The following MAGI2 variants were observed in gnomAD, a reference collection of about 807,000 sequenced individuals.
MAGI2 encodes membrane associated guanylate kinase, WW and PDZ domain containing 2, also known as membrane-associated guanylate kinase, WW and PDZ domain-containing protein 2.
In MAGI2, 35 loss-of-function variants were observed where a neutral mutation model predicts 133.3. The ratio of observed to expected loss-of-function variants is 0.26; its 90% CI spans 0.20 to 0.35. The LOEUF is 0.35. Among genes scored for constraint, MAGI2 ranks in the 10% least tolerant of loss-of-function variants. The pLI, the probability that MAGI2 is intolerant of heterozygous loss-of-function variation, is 1.00. For synonymous variants in MAGI2, 729 were observed against 710.6 expected, an observed-to-expected ratio of 1.03 and a Z score of -0.41; for missense variants, 1,636 against 1,863.4, an observed-to-expected ratio of 0.88 and a Z score of 2.25.
intron 1 of MAGI2, among the ~76,000 whole-genome samples, chr7:79,041,431 G>A (rs187933654): frequency 3.9e-5 from 6 of 152,140 alleles, no homozygotes; most frequent in African/African-American, 1.4e-4. Flanking sequence ...ACTAATATTT[G>A]CTCATAGTTA....
chr7:78,603,204 T>C (rs1436899622), intron 3 of MAGI2, among the ~76,000 whole-genome samples: 1 of 152,216 alleles, frequency 6.6e-6, no homozygotes, highest in Non-Finnish European at 1.5e-5. Context: ...TTGAGCTTCA[T>C]AAGGAATAGG....
At chr7:78,641,929 C>T (rs1001688067) in intron 2 of MAGI2, among the ~76,000 whole-genome samples, 4 of 152,162 alleles carry the variant, frequency 2.6e-5, no homozygotes, top group Non-Finnish European at 5.9e-5. Context: ...GAAGGAGCTT[C>T]TCCTTCAGTA....
At chr7:78,027,581 T>C (rs1178414172) in intron 21 of MAGI2, among the ~76,000 whole-genome samples, 2 of 145,538 alleles carry the variant, frequency 1.4e-5, no homozygotes, top group African/African-American at 5.2e-5. Context: ...TGAGCCGAGA[T>C]CATGCCTCTG....
At chr7:78,856,153 C>G (rs1209378985) in intron 2 of MAGI2, among the ~76,000 whole-genome samples, 2 of 152,094 alleles carry the variant, frequency 1.3e-5, no homozygotes, top group African/African-American at 2.4e-5. Context: ...TGGATATTAG[C>G]CCTTTGTCAG....
At chr7:78,862,306 G>A (rs545207619) in intron 2 of MAGI2, among the ~76,000 whole-genome samples, 41 of 152,242 alleles carry the variant, frequency 2.7e-4, no homozygotes, top group African/African-American at 8.9e-4. Context: ...TCTACAATGT[G>A]GACTTTAGGT....
At chr7:78,904,691 C>G (rs1349011026) in intron 2 of MAGI2, among the ~76,000 whole-genome samples, 4 of 152,030 alleles carry the variant, frequency 2.6e-5, no homozygotes, top group South Asian at 2.1e-4. Flanking sequence ...TTAGTCGAGA[C>G]CGGGTTCCAC....
intron 21 of MAGI2, among the ~76,000 whole-genome samples, chr7:78,063,403 G>A (rs80040587): frequency 0.044 from 6,665 of 152,174 alleles, 195 homozygotes; most frequent in South Asian, 0.077. Flanking sequence ...TTGCACACCT[G>A]GCTAATTGTT....
At chr7:78,061,156 T>C (rs1423910296) in intron 21 of MAGI2, among the ~76,000 whole-genome samples, 6 of 133,460 alleles carry the variant, frequency 4.5e-5, no homozygotes, top group Non-Finnish European at 7.8e-5. Flanking sequence ...AGAGCAAGAC[T>C]GTCTCAAAAA....
At chr7:79,214,511 G>T (rs1331371833) in intron 1 of MAGI2, among the ~76,000 whole-genome samples, 1 of 130,178 alleles carries the variant, frequency 7.7e-6, no homozygotes, top group Non-Finnish European at 1.6e-5. Context: ...AAAGATAAAA[G>T]TCATACAGTA....
chr7:78,871,114 T>C (rs549261), intron 2 of MAGI2, among the ~76,000 whole-genome samples: 81,820 of 151,860 alleles, frequency 0.54, 23,977 homozygotes, highest in Middle Eastern at 0.69. Context: ...ATCGAGATCA[T>C]CTTGGCTAAC....
chr7:79,111,448 C>T (rs1354912957), intron 1 of MAGI2, among the ~76,000 whole-genome samples: 1 of 152,174 alleles, frequency 6.6e-6, no homozygotes, highest in African/African-American at 2.4e-5. Context: ...AATAAATTAT[C>T]ATTTTTGGTA....
intron 9 of MAGI2, among the ~76,000 whole-genome samples, chr7:78,298,853 T>C (rs2151067165): frequency 6.9e-6 from 1 of 143,948 alleles, no homozygotes; most frequent in Non-Finnish European, 1.5e-5. Context: ...TCTCGCTCTG[T>C]TGCCCAGGCT....
intron 1 of MAGI2, among the ~76,000 whole-genome samples, chr7:79,235,503 G>A (rs1035442310): frequency 1.5e-4 from 23 of 152,328 alleles, no homozygotes; most frequent in South Asian, 1.0e-3. Flanking sequence ...GTGGTGTGCC[G>A]TTTTTTAAGC....
At chr7:78,977,057 C>A (rs940778435) in intron 2 of MAGI2, among the ~76,000 whole-genome samples, 1 of 151,472 alleles carries the variant, frequency 6.6e-6, no homozygotes, top group Non-Finnish European at 1.5e-5. Context: ...AATTCAAATC[C>A]CAGCAAGCTA....
intron 1 of MAGI2, among the ~76,000 whole-genome samples, chr7:79,042,610 C>G (rs1408365561): frequency 6.6e-6 from 1 of 152,144 alleles, no homozygotes. Flanking sequence ...TAGAGACTTA[C>G]AAAGACTTTG....
intron 7 of MAGI2, chr7:78,350,350 C>T (rs952404381): frequency 6.6e-6 from 1 of 152,148 alleles, no homozygotes; most frequent in Non-Finnish European, 1.5e-5. Flanking sequence ...AAACAGAAAA[C>T]AGAAGACTCA....
chr7:78,489,905 A>AG, intron 5 of MAGI2, 65 bp from the exon 6 acceptor site: 4 of 1,111,532 alleles, frequency 3.6e-6, no homozygotes, highest in Non-Finnish European at 4.9e-6. Flanking sequence ...ATTCCTTAAG[A>AG]AAAAAAAAGC....
chr7:78,728,845 G>A lies in MAGI2; in HGVS notation c.419-101606C>T, dbSNP rs538584967. On this transcript the variant is annotated intron_variant, in intron 2 of 21. Transcript: ENST00000354212. ...CTCCCAAAGTGCTGGGATTACAGGC[G>A]TGAGCCACCGCGCCCGGCCCCATCT... 8.8e-5 allele frequency among the ~76,000 whole-genome samples: 11 copies of A among 124,362 alleles called. 1 individual carries two copies. Among genetic ancestry groups the A allele is most frequent in the Non-Finnish European group, 1.6e-4 (9 of 56,582 alleles). 81.6% of individuals were successfully genotyped at this position (124,362 alleles called of 152,430 possible). A position where few individuals can be genotyped will look rare whatever the true frequency, so the allele number is the denominator to read the frequency against.
At chr7:79,103,792 C>G (rs528472734) in intron 1 of MAGI2, among the ~76,000 whole-genome samples, 2 of 151,980 alleles carry the variant, frequency 1.3e-5, no homozygotes, top group Non-Finnish European at 2.9e-5. Flanking sequence ...CTCCGCCTCC[C>G]GGGTTCACGC....
Sources: gnomAD v4.1 joint callset for allele counts (sites outside exome capture counted in the v4.1 genomes callset) on GRCh38, gnomAD v4.1.1 for gene constraint, MANE v1.5 for transcripts, NCBI Gene and HGNC (gene_info 2026-07-23, HGNC 2026-07-21) for gene names.